AGBL3: variants seen among roughly 807,000 people sequenced by gnomAD.
The protein encoded by AGBL3 is AGBL carboxypeptidase 3.
Under a neutral mutation model 94.5 loss-of-function variants are expected in AGBL3, and 68 were observed. The observed-to-expected ratio is 0.72, with a 90% CI of 0.59 to 0.88. The LOEUF (loss-of-function observed/expected upper bound fraction) is 0.88, where lower values mean the gene tolerates loss of function less well. Among genes scored for constraint, AGBL3 ranks in the 40% least tolerant of loss-of-function variants. The pLI, the probability that AGBL3 is intolerant of heterozygous loss-of-function variation, is 0.00. For synonymous variants in AGBL3, 354 were observed against 370.7 expected, an observed-to-expected ratio of 0.95 and a Z score of 0.52; for missense variants, 934 against 1,103.8, an observed-to-expected ratio of 0.85 and a Z score of 2.18.
At chr7:135,011,431 A>G (rs1272538986) in intron 4 of AGBL3, 1 of 152,176 alleles carries the variant, frequency 6.6e-6, no homozygotes, top group Non-Finnish European at 1.5e-5. Flanking sequence ...CTACGATACA[A>G]TTAAAAACCT....
chr7:135,116,426 T>C (rs1826320290), intron 16 of AGBL3, among the ~76,000 whole-genome samples: 1 of 152,170 alleles, frequency 6.6e-6, no homozygotes, highest in Non-Finnish European at 1.5e-5. Context: ...ATGAATACTT[T>C]CATAAGAAAA....
chr7:135,131,589 T>G (rs111577043), intron 16 of AGBL3, among the ~76,000 whole-genome samples: 453 of 152,060 alleles, frequency 3.0e-3, no homozygotes, highest in African/African-American at 7.8e-3. Flanking sequence ...TAACTGCATA[T>G]GCTAAAAAAT....
intron 5 of AGBL3, among the ~76,000 whole-genome samples, chr7:135,017,398 A>C (rs1457401603): frequency 6.6e-6 from 1 of 152,220 alleles, no homozygotes; most frequent in Non-Finnish European, 1.5e-5. Context: ...ATTAGAATGA[A>C]GAGTTATATT....
intron 12 of AGBL3, among the ~76,000 whole-genome samples, chr7:135,067,232 G>A (rs544345794): frequency 1.6e-4 from 25 of 152,336 alleles, no homozygotes; most frequent in East Asian, 3.9e-4. Flanking sequence ...TAAACAAAGC[G>A]GCCAGGAAGC....
At chr7:135,032,750 C>T in intron 5 of AGBL3, 94 bp from the exon 6 acceptor site, 2 of 1,189,728 alleles carry the variant, frequency 1.7e-6, no homozygotes, top group Non-Finnish European at 2.2e-6. Context: ...AATTTACAAT[C>T]CTTACACTTG....
At chr7:135,069,115 CA>C (rs1201086806) in intron 12 of AGBL3, among the ~76,000 whole-genome samples, 2 of 152,110 alleles carry the variant, frequency 1.3e-5, no homozygotes, top group African/African-American at 2.4e-5. Flanking sequence ...CAACAAAGAT[CA>C]AAGGCGACAA....
At chr7:135,084,581 G>A (rs925192916) in intron 15 of AGBL3, among the ~76,000 whole-genome samples, 1 of 152,094 alleles carries the variant, frequency 6.6e-6, no homozygotes, top group Non-Finnish European at 1.5e-5. Context: ...ACATATGAAT[G>A]AGAACATGCA....
At chr7:135,093,305 A>T (rs749830736) in intron 15 of AGBL3, 3 of 152,124 alleles carry the variant, frequency 2.0e-5, no homozygotes, top group Non-Finnish European at 4.4e-5. Context: ...ACACACACAC[A>T]TACACACGCC....
At chr7:135,047,009 A>C (rs1461386922) in intron 11 of AGBL3, among the ~76,000 whole-genome samples, 1 of 152,026 alleles carries the variant, frequency 6.6e-6, no homozygotes, top group Non-Finnish European at 1.5e-5. Context: ...TTTTTGATAC[A>C]ATACTGTAGA....
chr7:135,125,120 T>C (rs1167351071), intron 16 of AGBL3, among the ~76,000 whole-genome samples: 1 of 151,734 alleles, frequency 6.6e-6, no homozygotes, highest in African/African-American at 2.4e-5. Flanking sequence ...CAGCTGTTTT[T>C]TTAAAAAAAT....
At chr7:134,997,533 T>C (rs1480891004) in intron 4 of AGBL3, among the ~76,000 whole-genome samples, 2 of 152,214 alleles carry the variant, frequency 1.3e-5, no homozygotes, top group African/African-American at 4.8e-5. Context: ...TGGTTATATT[T>C]ACATTCAGTG....
At chr7:135,129,688 A>T (rs1828454516) in intron 16 of AGBL3, 2 of 773,476 alleles carry the variant, frequency 2.6e-6, no homozygotes, top group African/African-American at 3.4e-5. Context: ...GAGATTGAAG[A>T]CTAGTTAACT....
At chr7:135,129,615 G>A in intron 16 of AGBL3, 1 of 775,566 alleles carries the variant, frequency 1.3e-6, no homozygotes, top group South Asian at 1.3e-5. Context: ...CACTGATCCT[G>A]CTTCAACATG....
intron 15 of AGBL3, among the ~76,000 whole-genome samples, chr7:135,090,976 G>C (rs929550191): frequency 1.3e-5 from 2 of 152,174 alleles, no homozygotes; most frequent in African/African-American, 4.8e-5. Context: ...AGCACAGCTA[G>C]TGGAGTCCAG....
chr7:135,076,517 GA>G, intron 13 of AGBL3, 49 bp downstream of exon 13: 1 of 1,357,380 alleles, frequency 7.4e-7, no homozygotes, highest in South Asian at 1.3e-5. Flanking sequence ...ATGAATGAAA[GA>G]GAATGGCAAG....
chr7:135,067,321 T>C (rs1819429831), intron 12 of AGBL3, among the ~76,000 whole-genome samples: 1 of 152,226 alleles, frequency 6.6e-6, no homozygotes, highest in Non-Finnish European at 1.5e-5. Flanking sequence ...GGGCAGGGCA[T>C]AGCCAAACGA....
At chr7:135,004,598 T>C (rs1812149666) in intron 4 of AGBL3, among the ~76,000 whole-genome samples, 3 of 146,838 alleles carry the variant, frequency 2.0e-5, no homozygotes, top group African/African-American at 5.0e-5. Context: ...TACATCTAAG[T>C]TTCCTATATA....
chr7:135,105,507 G>GT, intron 15 of AGBL3, among the ~76,000 whole-genome samples: 1 of 152,142 alleles, frequency 6.6e-6, no homozygotes, highest in African/African-American at 2.4e-5. Context: ...CCCATTGCTT[G>GT]TTTTTGTCAG....
intron 5 of AGBL3, among the ~76,000 whole-genome samples, chr7:135,030,601 T>C (rs993162341): frequency 6.6e-6 from 1 of 152,146 alleles, no homozygotes; most frequent in Non-Finnish European, 1.5e-5. Flanking sequence ...TTTGGATCCA[T>C]AGGTTAGTAG....
Sources: allele counts gnomAD v4.1 joint callset (sites outside exome capture counted in the v4.1 genomes callset), GRCh38; gene constraint gnomAD v4.1.1; transcripts MANE v1.5; gene names NCBI Gene and HGNC (gene_info 2026-07-23, HGNC 2026-07-21).